FGF14: variants seen among roughly 807,000 people sequenced by gnomAD.
The protein encoded by FGF14 is fibroblast growth factor homologous factor 4.
A neutral mutation model predicts 25.5 loss-of-function variants in FGF14; 5 were observed. The observed-to-expected ratio is 0.20, with a 90% CI of 0.10 to 0.41. The LOEUF is 0.41. Among genes scored for constraint, FGF14 ranks in the 10% least tolerant of loss-of-function variants. The pLI, the probability that FGF14 is intolerant of heterozygous loss-of-function variation, is 1.00. For missense variants in FGF14, 222 were observed against 320.1 expected, an observed-to-expected ratio of 0.69 and a Z score of 2.34; for synonymous variants, 138 against 118.3, an observed-to-expected ratio of 1.17 and a Z score of -1.08.
In FGF14 at chr13:101,720,383, C is replaced by CACA. The variant is rs1488010358; in HGVS notation, c.*2445_*2447dup. 7.2e-5 allele frequency: 11 copies of CACA among 152,084 alleles called. No homozygotes were observed. The highest frequency in any genetic ancestry group is 1.2e-4 in the Non-Finnish European group (8 of 67,976). The allele number at this position is 152,084 out of a possible 1,614,324, so 9.4% of individuals were successfully genotyped here. On this transcript the variant is annotated 3_prime_UTR_variant, in exon 5 of 5. Coordinates refer to ENST00000376143, the MANE Select transcript of FGF14 (RefSeq NM_004115.4). ...CCTTATAGACACCCCATATATAAAA[C>CACA]ACAACAGAGATACACATTTACATAA...
chr13:101,980,589 G>T (rs1230830567), intron 1 of FGF14, among the ~76,000 whole-genome samples: 2 of 152,154 alleles, frequency 1.3e-5, no homozygotes, highest in Non-Finnish European at 2.9e-5. Context: ...AGAGGCAGCT[G>T]CCTGCTTGAA....
intron 3 of FGF14, among the ~76,000 whole-genome samples, chr13:101,836,201 G>C (rs1455530216): frequency 6.6e-6 from 1 of 151,994 alleles, no homozygotes; most frequent in African/African-American, 2.4e-5. Context: ...GAGAACAAGA[G>C]AACAAGCTGG....
At chr13:102,095,051 T>TGAAAGCC (rs2044327970) in intron 1 of FGF14, among the ~76,000 whole-genome samples, 3 of 152,112 alleles carry the variant, frequency 2.0e-5, no homozygotes, top group Non-Finnish European at 4.4e-5. Flanking sequence ...GATCATACCA[T>TGAAAGCC]TGGAGATACC....
intron 1 of FGF14, among the ~76,000 whole-genome samples, chr13:101,986,748 G>A (rs983393729): frequency 9.2e-5 from 14 of 152,068 alleles, no homozygotes; most frequent in Admixed American, 1.3e-4. Flanking sequence ...TCTCATAGAC[G>A]TGTCAAACCC....
intron 1 of FGF14, among the ~76,000 whole-genome samples, chr13:102,243,546 T>C (rs547392126): frequency 4.2e-4 from 64 of 151,582 alleles, no homozygotes; most frequent in African/African-American, 1.5e-3. Context: ...TGATATAAAA[T>C]AAGTTGGGGT....
intron 1 of FGF14, among the ~76,000 whole-genome samples, chr13:102,007,079 T>C (rs181580736): frequency 6.6e-6 from 1 of 152,302 alleles, no homozygotes; most frequent in East Asian, 1.9e-4. Flanking sequence ...CAAATACTGA[T>C]AAATCAGAAA....
chr13:101,801,356 T>TA (rs202233023), intron 3 of FGF14, among the ~76,000 whole-genome samples: 10 of 151,852 alleles, frequency 6.6e-5, no homozygotes, highest in East Asian at 3.9e-4. Context: ...TTGACAATTT[T>TA]TTTTTTTTTT....
At chr13:102,059,860 A>G (rs1269931807) in intron 1 of FGF14, among the ~76,000 whole-genome samples, 3 of 151,442 alleles carry the variant, frequency 2.0e-5, no homozygotes, top group Non-Finnish European at 4.4e-5. Context: ...CAAAAAAACA[A>G]AAACAAAAAC....
At chr13:102,091,263 T>C (rs1161812301) in intron 1 of FGF14, among the ~76,000 whole-genome samples, 1 of 152,176 alleles carries the variant, frequency 6.6e-6, no homozygotes, top group African/African-American at 2.4e-5. Context: ...TATGCTCTGC[T>C]TTATGCTGCT....
rs141197387 is a variant in FGF14 at position 102,192,247 on chromosome 13, T to C, written c.208+209224A>G. On this transcript the variant is annotated intron_variant, in intron 1 of 4. Coordinates refer to the FGF14 transcript ENST00000376131. Reference sequence around the variant, plus strand: ...AGCCAAATAGCTCTCTGGTCTGGTCTTGCAAGATCTAAAAGTCTGGCAGCC... The same window carrying C: ...AGCCAAATAGCTCTCTGGTCTGGTCCTGCAAGATCTAAAAGTCTGGCAGCC... 5.8e-4 allele frequency among the ~76,000 whole-genome samples: 88 copies of C among 152,328 alleles called. 1 individual carries two copies. Among genetic ancestry groups the C allele is most frequent in the African/African-American group, 2.1e-3 (87 of 41,576 alleles).
chr13:101,819,550 A>G (rs1028054153), intron 3 of FGF14, among the ~76,000 whole-genome samples: 4 of 152,236 alleles, frequency 2.6e-5, no homozygotes, highest in Admixed American at 2.0e-4. Context: ...GTAAATAAAA[A>G]TGAATTATAT....
At chr13:101,941,032 T>C (rs1180330767) in intron 1 of FGF14, among the ~76,000 whole-genome samples, 1 of 151,908 alleles carries the variant, frequency 6.6e-6, no homozygotes, top group Non-Finnish European at 1.5e-5. Flanking sequence ...GCAGGTCAAG[T>C]GAAAACCTGA....
chr13:101,869,520 C>T (rs961358732), intron 2 of FGF14, among the ~76,000 whole-genome samples: 1 of 152,130 alleles, frequency 6.6e-6, no homozygotes, highest in Non-Finnish European at 1.5e-5. Context: ...CTTAACATCC[C>T]TTTAATGTAT....
intron 1 of FGF14, among the ~76,000 whole-genome samples, chr13:102,269,455 G>A (rs2053144991): frequency 1.3e-5 from 2 of 152,186 alleles, no homozygotes; most frequent in Non-Finnish European, 2.9e-5. Context: ...AAAATTATAT[G>A]ACAGAATTTT....
At chr13:102,028,086 G>A (rs1394019575) in intron 1 of FGF14, among the ~76,000 whole-genome samples, 1 of 152,002 alleles carries the variant, frequency 6.6e-6, no homozygotes, top group Non-Finnish European at 1.5e-5. Context: ...TCTGCCAACT[G>A]TCACTGTTAG....
intron 1 of FGF14, among the ~76,000 whole-genome samples, chr13:102,059,520 C>T (rs1206586578): frequency 6.6e-6 from 1 of 152,196 alleles, no homozygotes; most frequent in Non-Finnish European, 1.5e-5. Flanking sequence ...CTATGCAAGT[C>T]TTCTAAATAA....
chr13:102,042,090 T>C (rs1423848046), intron 1 of FGF14, among the ~76,000 whole-genome samples: 1 of 152,220 alleles, frequency 6.6e-6, no homozygotes, highest in African/African-American at 2.4e-5. Flanking sequence ...TATGCCTAAA[T>C]TCTTTTGTAA....
intron 3 of FGF14, among the ~76,000 whole-genome samples, chr13:101,808,333 A>G (rs772805786): frequency 1.9e-4 from 29 of 151,758 alleles, no homozygotes; most frequent in Non-Finnish European, 4.0e-4. Context: ...TCTTTCTCCC[A>G]TCTTCTTTCT....
At chr13:101,841,247 C>T (rs2043177470) in intron 3 of FGF14, among the ~76,000 whole-genome samples, 1 of 151,782 alleles carries the variant, frequency 6.6e-6, no homozygotes, top group Non-Finnish European at 1.5e-5. Context: ...TTATGTTATC[C>T]ACCCCGAATA....
Sources: allele counts gnomAD v4.1 joint callset (sites outside exome capture counted in the v4.1 genomes callset), GRCh38; gene constraint gnomAD v4.1.1; transcripts MANE v1.5; gene names NCBI Gene and HGNC (gene_info 2026-07-23, HGNC 2026-07-21).